Variants in TENM4 observed in about 807,000 individuals in gnomAD.
TENM4 encodes the protein teneurin transmembrane protein 4.
In TENM4, 82 loss-of-function variants were observed where a neutral mutation model predicts 243.3. That is an observed-to-expected ratio of 0.34 (90% confidence interval 0.28 to 0.40). The LOEUF is 0.40. Among genes scored for constraint, TENM4 ranks in the 10% least tolerant of loss-of-function variants. TENM4 has a pLI of 1.00. For synonymous variants in TENM4, 1,412 were observed against 1,456.3 expected (o/e 0.97, Z 0.69); for missense variants, 3,138 against 3,673.3 (o/e 0.85, Z 3.77).
At chr11:78,936,667 T>C (rs1856792252) in intron 6 of TENM4, among the ~76,000 whole-genome samples, 2 of 152,346 alleles carry the variant, frequency 1.3e-5, no homozygotes, top group African/African-American at 4.8e-5. Flanking sequence ...TCAGAGAGGT[T>C]AACTAGCTAG....
chr11:79,292,035 T>C (rs568420395), intron 2 of TENM4, among the ~76,000 whole-genome samples: 1 of 152,298 alleles, frequency 6.6e-6, no homozygotes, highest in East Asian at 1.9e-4. Context: ...AGCTCATATG[T>C]GTCTCCCAGC....
intron 6 of TENM4, among the ~76,000 whole-genome samples, chr11:79,046,457 A>G (rs1386712539): frequency 6.7e-6 from 1 of 149,394 alleles, no homozygotes; most frequent in East Asian, 1.9e-4. Flanking sequence ...CCCCCCCAAA[A>G]AAACGACAAG....
chr11:79,188,474 T>C (rs553198197), intron 3 of TENM4, among the ~76,000 whole-genome samples: 2 of 150,292 alleles, frequency 1.3e-5, no homozygotes, highest in Admixed American at 1.3e-4. Context: ...GAAGTCCTAG[T>C]AGAGAGGAGA....
At chr11:79,160,705 A>G (rs932521888) in intron 3 of TENM4, among the ~76,000 whole-genome samples, 1 of 152,212 alleles carries the variant, frequency 6.6e-6, no homozygotes, top group Non-Finnish European at 1.5e-5. Context: ...ATATCATGGC[A>G]GAAGATCAAC....
chr11:78,704,561 A>G (rs887177214), intron 27 of TENM4, among the ~76,000 whole-genome samples: 4 of 152,136 alleles, frequency 2.6e-5, no homozygotes, highest in African/African-American at 4.8e-5. Context: ...ACATGGAGAA[A>G]TGTTTGCTAT....
Position 78,688,103 on chromosome 11 carries a change from G to A in TENM4, c.5211C>T (p.Thr1737=). 1 of 1,613,888 alleles carries A rather than the reference G, an allele frequency of 6.2e-7. No homozygotes were observed. Among genetic ancestry groups the A allele is most frequent in the Non-Finnish European group, 8.5e-7 (1 of 1,179,874 alleles). Residue 1737 remains threonine (T), a synonymous_variant, in exon 29 of 34, where the codon ACC becomes ACT. Coordinates refer to ENST00000278550, the MANE Select transcript of TENM4 (RefSeq NM_001098816.3). ...CTGAGGCAGACAGGTTGGTGGTTATGGTGACATCATCCTTGCTGGAGGTCT... is the reference window on the plus strand; with the variant it reads ...CTGAGGCAGACAGGTTGGTGGTTATAGTGACATCATCCTTGCTGGAGGTCT... ...QVETSSKDDV[T]ITTNLSASGA... is the part of the protein sequence containing the mutation.
intron 1 of TENM4, among the ~76,000 whole-genome samples, chr11:79,430,187 C>T (rs1462490261): frequency 2.6e-5 from 3 of 117,282 alleles, no homozygotes; most frequent in African/African-American, 7.0e-5. Flanking sequence ...ATTCAACCTG[C>T]GAAAAAAAAA....
chr11:78,738,076 A>G (rs1790551), intron 20 of TENM4, among the ~76,000 whole-genome samples: 102,838 of 152,166 alleles, frequency 0.68, 35,454 homozygotes, highest in Non-Finnish European at 0.75. Context: ...CAAATGGCTT[A>G]CATAGATCTA....
chr11:79,054,671 T>G (rs576261298), intron 6 of TENM4, among the ~76,000 whole-genome samples: 1 of 152,268 alleles, frequency 6.6e-6, no homozygotes, highest in Non-Finnish European at 1.5e-5. Flanking sequence ...TTGTTGTTAT[T>G]TTTAGTTCAA....
chr11:78,913,526 TAAAC>T (rs920141007), intron 6 of TENM4, among the ~76,000 whole-genome samples: 14 of 152,042 alleles, frequency 9.2e-5, no homozygotes, highest in African/African-American at 3.4e-4. Context: ...ATCTGATCCA[TAAAC>T]AGTTAGGTCA....
chr11:78,990,560 T>C (rs751846051), intron 6 of TENM4, among the ~76,000 whole-genome samples: 2 of 152,202 alleles, frequency 1.3e-5, no homozygotes, highest in Non-Finnish European at 2.9e-5. Flanking sequence ...CCACGAGATA[T>C]ACTGTTCAGT....
At position 78,812,142 on chromosome 11, in the gene TENM4, T is replaced by C. The variant is rs529992617; in HGVS notation, c.1958A>G (p.Lys653Arg). ...CTTACCTTCCTCACAGCTCTCGCCC[T>C]TGTAGCCAGGGTTGCAGATGCAGGT... ...TGTCICNPGY[K>R]GESCEEVDCM... is the part of the protein sequence containing the mutation. The change falls in exon 14 of 34, where the codon AAG becomes AGG. Residue 653 changes from lysine (K) to arginine (R), a missense_variant. By Grantham distance (26) the Lys-to-Arg change is conservative (BLOSUM62 2). Around this residue, in one of 2 missense-constraint regions of TENM4, gnomAD observed 2,467 missense variants for 3,059.1 expected, o/e 0.81. Transcript: ENST00000278550. 1.2e-4 allele frequency: 187 copies of C among 1,551,338 alleles called. No homozygotes were observed. Among genetic ancestry groups the C allele is most frequent in the Non-Finnish European group, 1.6e-4 (183 of 1,146,996 alleles).
At chr11:78,716,448 AGAG>A (rs1163334679) in intron 25 of TENM4, among the ~76,000 whole-genome samples, 1 of 152,188 alleles carries the variant, frequency 6.6e-6, no homozygotes, top group Non-Finnish European at 1.5e-5. Flanking sequence ...GAACTCCTCA[AGAG>A]GAGGGACTGA....
intron 6 of TENM4, among the ~76,000 whole-genome samples, chr11:78,984,528 C>T (rs1243417829): frequency 6.6e-6 from 1 of 152,170 alleles, no homozygotes; most frequent in Non-Finnish European, 1.5e-5. Context: ...CTGCCCAAAT[C>T]CAGTGCCTGA....
chr11:78,868,889 C>G (rs1859053400), intron 9 of TENM4, among the ~76,000 whole-genome samples: 1 of 152,064 alleles, frequency 6.6e-6, no homozygotes, highest in Non-Finnish European at 1.5e-5. Context: ...CGCAGCTACC[C>G]ACTTTTCTGT....
intron 6 of TENM4, among the ~76,000 whole-genome samples, chr11:78,983,673 C>G (rs1002137743): frequency 1.3e-5 from 2 of 152,166 alleles, no homozygotes; most frequent in African/African-American, 4.8e-5. Context: ...CACGCTGCCC[C>G]CAGGGCATGC....
intron 4 of TENM4, among the ~76,000 whole-genome samples, chr11:79,146,666 A>G (rs774810063): frequency 7.2e-5 from 11 of 152,032 alleles, no homozygotes; most frequent in Non-Finnish European, 1.0e-4. Context: ...GAAAAAAGCC[A>G]CTAACCAAGG....
chr11:78,885,690 C>A (rs1855533758), intron 9 of TENM4, among the ~76,000 whole-genome samples: 1 of 152,222 alleles, frequency 6.6e-6, no homozygotes, highest in Non-Finnish European at 1.5e-5. Context: ...GAAGCTGAGG[C>A]AGGAAGATCA....
intron 32 of TENM4, 51 bp downstream of exon 32, chr11:78,668,886 T>C (rs1232267155): frequency 8.4e-6 from 13 of 1,553,702 alleles, no homozygotes; most frequent in Admixed American, 1.9e-5. Flanking sequence ...TATTGTTAGG[T>C]AGTAAGAGCA....
Sources: allele counts gnomAD v4.1 joint callset (sites outside exome capture counted in the v4.1 genomes callset), GRCh38; gene constraint gnomAD v4.1.1; regional missense constraint gnomAD v4.1.1; transcripts MANE v1.5; gene names NCBI Gene and HGNC (gene_info 2026-07-23, HGNC 2026-07-21).